Variants in RPAP3 observed in about 807,000 individuals in gnomAD.
RPAP3 encodes the protein RNA polymerase II-associated protein 3.
In RPAP3, 58 loss-of-function variants were observed where a neutral mutation model predicts 88.8. The observed-to-expected ratio is 0.65, with a 90% CI of 0.53 to 0.81. The LOEUF (loss-of-function observed/expected upper bound fraction) is 0.81. RPAP3 is among the 40% of genes least tolerant of loss of function. RPAP3 has a pLI of 0.00. For synonymous variants in RPAP3, 255 were observed against 259.9 expected, an observed-to-expected ratio of 0.98 and a Z score of 0.18; for missense variants, 751 against 764.3, an observed-to-expected ratio of 0.98 and a Z score of 0.20.
At chr12:47,703,241 A>C (rs1307389008) in intron 1 of RPAP3, among the ~76,000 whole-genome samples, 1 of 152,244 alleles carries the variant, frequency 6.6e-6, no homozygotes, top group East Asian at 1.9e-4. Flanking sequence ...TTAGGGATGC[A>C]AAAACAAGAC....
At chr12:47,697,867 T>C (rs1939567035) in intron 3 of RPAP3, 148 bp from the exon 4 acceptor site, 15 of 705,994 alleles carry the variant, frequency 2.1e-5, no homozygotes, top group East Asian at 1.9e-4. Flanking sequence ...AAATCTCTCA[T>C]TGTTAAGATT....
chr12:47,675,399 A>G (rs1436664102), intron 12 of RPAP3, among the ~76,000 whole-genome samples: 1 of 152,218 alleles, frequency 6.6e-6, no homozygotes. Context: ...ACATAACAAT[A>G]TTACCCTTAA....
Position 47,704,183 on chromosome 12 carries a change from A to C in RPAP3, c.-6-1337T>G, listed in dbSNP as rs533539962. Among the ~76,000 whole-genome samples, 21 of 152,312 alleles carry C rather than the reference A, an allele frequency of 1.4e-4. No homozygotes were observed. In the South Asian group the frequency reaches 4.1e-3, roughly 30 times the overall value. ...GAATGGGGTGAACCTGGAGAACACTAAACGGAGAAAGAGATGCCAAGGAAG... is the reference window on the plus strand; with the variant it reads ...GAATGGGGTGAACCTGGAGAACACTCAACGGAGAAAGAGATGCCAAGGAAG... On this transcript the variant is annotated intron_variant, in intron 1 of 16. Coordinates refer to ENST00000005386, the MANE Select transcript of RPAP3 (RefSeq NM_024604.3).
At position 47,704,586 on chromosome 12, in the gene RPAP3, C is replaced by G. The variant is rs4768841; in HGVS notation, c.-7+1366G>C. On this transcript the variant is annotated intron_variant, in intron 1 of 16. Transcript: ENST00000005386. Reference sequence around the variant, plus strand: ...AGAGACGGGGTTTCACCACGTTGGCCAGGCTGGTCTCGAACTCCTGACCTC... The same window carrying G: ...AGAGACGGGGTTTCACCACGTTGGCGAGGCTGGTCTCGAACTCCTGACCTC... 3.3e-5 allele frequency among the ~76,000 whole-genome samples: 5 copies of G among 151,382 alleles called. No homozygotes were observed. The South Asian group carries it at 1.0e-3, about 32-fold the overall frequency.
At chr12:47,676,895 G>T (rs1939127002) in intron 12 of RPAP3, among the ~76,000 whole-genome samples, 1 of 152,100 alleles carries the variant, frequency 6.6e-6, no homozygotes, top group South Asian at 2.1e-4. Context: ...ATTTTATGAG[G>T]CCAGCAACAT....
At chr12:47,704,780 C>G (rs896134762) in intron 1 of RPAP3, among the ~76,000 whole-genome samples, 2 of 151,822 alleles carry the variant, frequency 1.3e-5, no homozygotes, top group African/African-American at 4.8e-5. Context: ...GGTTGGGGGG[C>G]AGGGGGAATA....
At chr12:47,663,626 A>AT in intron 16 of RPAP3, 36 bp from the exon 17 acceptor site, 1 of 1,320,570 alleles carries the variant, frequency 7.6e-7, no homozygotes, top group Non-Finnish European at 1.0e-6. Context: ...TTTTAATCTC[A>AT]TTTTTTAAAA....
rs1268435987 is a variant in RPAP3 at position 47,690,522 on chromosome 12, T to C, written c.663A>G (p.Lys221=). ...TAGAGAGTGACTAGAAAATACCTTTTTTGGCCTCTTCTAATTTTTGCAAAG... is the reference window on the plus strand; with the variant it reads ...TAGAGAGTGACTAGAAAATACCTTTCTTGGCCTCTTCTAATTTTTGCAAAG... ...RFALQKLEEA[K]KDYERVLELE... is the part of the protein sequence containing the mutation. The change falls in exon 6 of 17, where the codon AAA becomes AAG. Residue 221 remains lysine, a synonymous_variant. Coordinates refer to ENST00000005386, the MANE Select transcript of RPAP3 (RefSeq NM_024604.3). The C allele has an allele frequency of 6.3e-7, 1 of 1,598,860 alleles. No homozygotes were observed. Among genetic ancestry groups the C allele is most frequent in the Non-Finnish European group, 8.5e-7 (1 of 1,172,762 alleles).
chr12:47,672,478 A>C (rs2136612035), intron 12 of RPAP3, among the ~76,000 whole-genome samples: 1 of 152,332 alleles, frequency 6.6e-6, no homozygotes, highest in Middle Eastern at 3.4e-3. Context: ...CTAATCTGTG[A>C]GTTATTCTCA....
At chr12:47,686,104 C>T (rs144532700) in intron 9 of RPAP3, among the ~76,000 whole-genome samples, 1 of 152,278 alleles carries the variant, frequency 6.6e-6, no homozygotes, top group East Asian at 1.9e-4. Flanking sequence ...CCTATTTATA[C>T]TATTTACAGG....
intron 2 of RPAP3, among the ~76,000 whole-genome samples, chr12:47,701,964 T>C (rs903047183): frequency 6.6e-6 from 1 of 152,228 alleles, no homozygotes; most frequent in African/African-American, 2.4e-5. Context: ...TTATGTACAG[T>C]ATGAAAAACC....
chr12:47,701,630 G>A (rs1262887837), intron 2 of RPAP3, 26 bp from the exon 3 acceptor site: 7 of 1,549,878 alleles, frequency 4.5e-6, no homozygotes, highest in Admixed American at 2.0e-5. Context: ...AAAACACAAA[G>A]TTGTGAGTAT....
At position 47,686,984 on chromosome 12, in the gene RPAP3, A is replaced by G. The variant is rs1446230490; in HGVS notation, c.865-77T>C. 5.9e-6 allele frequency: 5 copies of G among 843,392 alleles called. No homozygotes were observed. In the Admixed American group the frequency reaches 1.5e-4, roughly 25 times the overall value. 52.2% of individuals were successfully genotyped at this position (843,392 alleles called of 1,614,324 possible). On this transcript the variant is annotated intron_variant, in intron 8 of 16. Transcript: ENST00000005386. Reference sequence around the variant, plus strand: ...TAAATGAATTCAAATCTTATGAAACACTGCAAGGATATTCACCAACAGTAT... The same window carrying G: ...TAAATGAATTCAAATCTTATGAAACGCTGCAAGGATATTCACCAACAGTAT...
intron 1 of RPAP3, among the ~76,000 whole-genome samples, chr12:47,703,856 T>A (rs1350860571): frequency 6.6e-6 from 1 of 152,170 alleles, no homozygotes; most frequent in Non-Finnish European, 1.5e-5. Flanking sequence ...TAGACTGAGG[T>A]GTTGGAGAAC....
intron 16 of RPAP3, 40 bp downstream of exon 16, chr12:47,666,940 T>C (rs774194428): frequency 3.0e-5 from 30 of 997,982 alleles, no homozygotes; most frequent in Non-Finnish European, 4.3e-5. Context: ...AATACAGGAA[T>C]GTACAAAAAT....
intron 4 of RPAP3, 30 bp downstream of exon 4, chr12:47,697,567 G>GA (rs751737999): frequency 1.6e-4 from 246 of 1,568,516 alleles, no homozygotes; most frequent in Admixed American, 2.4e-4. Flanking sequence ...CTGCTTACAT[G>GA]AAAAAAAACA....
chr12:47,679,678 A>C (rs1592474803), intron 11 of RPAP3, 26 bp downstream of exon 11: 1 of 1,559,116 alleles, frequency 6.4e-7, no homozygotes. Context: ...AAATATGACC[A>C]TGTTTGGGTG....
chr12:47,683,633 G>A (rs966569060), intron 9 of RPAP3, among the ~76,000 whole-genome samples: 7 of 152,116 alleles, frequency 4.6e-5, no homozygotes, highest in Non-Finnish European at 8.8e-5. Flanking sequence ...ATTATTACAC[G>A]TCTCCTGTGC....
chr12:47,682,316 A>C (rs1160798826), intron 9 of RPAP3, among the ~76,000 whole-genome samples: 2 of 152,188 alleles, frequency 1.3e-5, no homozygotes, highest in Non-Finnish European at 2.9e-5. Context: ...TGCAACCAGC[A>C]ATCAATTCAG....
Sources: gnomAD v4.1 joint callset for allele counts (sites outside exome capture counted in the v4.1 genomes callset) on GRCh38, gnomAD v4.1.1 for gene constraint, MANE v1.5 for transcripts, NCBI Gene and HGNC (gene_info 2026-07-23, HGNC 2026-07-21) for gene names.